Variants in FAM149B1 observed in about 807,000 individuals in gnomAD.
The protein encoded by FAM149B1 is family with sequence similarity 149 member B1.
In FAM149B1, 56 loss-of-function variants were observed where a neutral mutation model predicts 75.3. That is an observed-to-expected ratio of 0.74 (90% confidence interval 0.60 to 0.93). The LOEUF is 0.93. Ranked by LOEUF, FAM149B1 falls within the 40% of genes least tolerant of loss-of-function variation. FAM149B1 has a pLI of 0.00. For missense variants in FAM149B1, 639 were observed against 708.4 expected, an observed-to-expected ratio of 0.90 and a Z score of 1.11; for synonymous variants, 259 against 256.1, an observed-to-expected ratio of 1.01 and a Z score of -0.11.
chr10:73,228,243 C>T (rs2043601789), intron 8 of FAM149B1, 59 bp downstream of exon 8: 4 of 1,469,762 alleles, frequency 2.7e-6, no homozygotes, highest in Middle Eastern at 3.5e-4. Flanking sequence ...AGGAAATTTG[C>T]TCAGAGTTGT....
chr10:73,184,507 G>C (rs1440489522), intron 3 of FAM149B1, among the ~76,000 whole-genome samples: 2 of 152,000 alleles, frequency 1.3e-5, no homozygotes, highest in Non-Finnish European at 1.5e-5. Context: ...AGTGACAGCA[G>C]TGTAGATACT....
At chr10:73,236,085 T>C (rs1160051688) in intron 12 of FAM149B1, among the ~76,000 whole-genome samples, 3 of 152,150 alleles carry the variant, frequency 2.0e-5, no homozygotes, top group African/African-American at 7.2e-5. Flanking sequence ...GCAGCACACT[T>C]GTCCCAACTC....
Position 73,238,538 on chromosome 10 carries a change from A to G in FAM149B1, c.1603-774A>G, listed in dbSNP as rs59385225. 1.4e-4 allele frequency among the ~76,000 whole-genome samples: 21 copies of G among 152,342 alleles called. No individual in the cohort carries two copies. The East Asian group carries it at 3.3e-3, about 24-fold the overall frequency. On this transcript the variant is annotated intron_variant, in intron 12 of 13. Transcript: ENST00000242505. ...CACCAAGCTCATTTATGTGCTATCT[A>G]TGGCTGCCTTCATACCATAACAGCG...
intron 3 of FAM149B1, among the ~76,000 whole-genome samples, chr10:73,186,928 G>T (rs1238249108): frequency 1.3e-5 from 2 of 152,126 alleles, no homozygotes; most frequent in African/African-American, 4.8e-5. Context: ...TTTTAAGGGT[G>T]ATAAAATATT....
At chr10:73,218,412 ACT>A (rs754356105) in intron 7 of FAM149B1, among the ~76,000 whole-genome samples, 4 of 152,040 alleles carry the variant, frequency 2.6e-5, no homozygotes, top group African/African-American at 7.2e-5. Flanking sequence ...TTTTGTAGTG[ACT>A]CTGTCCCTTT....
At chr10:73,168,441 C>T (rs1457490808) in intron 1 of FAM149B1, 55 bp downstream of exon 1, 3 of 1,536,878 alleles carry the variant, frequency 2.0e-6, no homozygotes, top group Non-Finnish European at 2.6e-6. Context: ...GCTCTGGGGA[C>T]CCTCCTTGAC....
intron 12 of FAM149B1, among the ~76,000 whole-genome samples, chr10:73,236,882 ATTT>A (rs948626765): frequency 6.6e-6 from 1 of 150,762 alleles, no homozygotes; most frequent in African/African-American, 2.4e-5. Flanking sequence ...TGCCCTGCTA[ATTT>A]TTTTATTTTG....
intron 7 of FAM149B1, among the ~76,000 whole-genome samples, chr10:73,210,954 C>G (rs1043722782): frequency 1.3e-5 from 2 of 152,124 alleles, no homozygotes; most frequent in African/African-American, 4.8e-5. Flanking sequence ...TCCCCCACAA[C>G]CCAAGCAATT....
chr10:73,188,082 C>G (rs2042575707), intron 3 of FAM149B1, among the ~76,000 whole-genome samples: 1 of 151,914 alleles, frequency 6.6e-6, no homozygotes, highest in African/African-American at 2.4e-5. Flanking sequence ...GACTCCGACT[C>G]AAAACAACAA....
At chr10:73,239,667 A>T (rs1463000510) in intron 13 of FAM149B1, among the ~76,000 whole-genome samples, 116 of 148,774 alleles carry the variant, frequency 7.8e-4, no homozygotes, top group Non-Finnish European at 9.2e-4. Flanking sequence ...TTTTTTTTTT[A>T]AATCTAAAAA....
chr10:73,210,138 A>G, intron 6 of FAM149B1, 113 bp from the exon 7 acceptor site: 1 of 685,218 alleles, frequency 1.5e-6, no homozygotes, highest in Non-Finnish European at 2.4e-6. Flanking sequence ...AATTAATTCT[A>G]TTTTCCATTT....
chr10:73,224,865 G>A (rs998639851), intron 7 of FAM149B1, among the ~76,000 whole-genome samples: 1 of 152,196 alleles, frequency 6.6e-6, no homozygotes, highest in Non-Finnish European at 1.5e-5. Flanking sequence ...GGTAAGGGTT[G>A]CACAACATCA....
At chr10:73,225,633 G>T (rs1253636419) in intron 7 of FAM149B1, among the ~76,000 whole-genome samples, 1 of 152,096 alleles carries the variant, frequency 6.6e-6, no homozygotes, top group African/African-American at 2.4e-5. Flanking sequence ...TTTTAAAAAT[G>T]TAGTGTAACC....
chr10:73,204,944 ATTTTTTTTTTTTTTTTTTTTTTTT>A (rs71021549), intron 5 of FAM149B1, among the ~76,000 whole-genome samples: 388 of 36,560 alleles, frequency 0.011, 9 homozygotes, highest in Admixed American at 0.038. Flanking sequence ...TGCCTGGCTA[ATTTTTTTTTTTTTTTTTTTTTTTT>A]TTTTTTTTTT....
chr10:73,205,335 C>T (rs2043031442), intron 5 of FAM149B1, among the ~76,000 whole-genome samples: 1 of 109,800 alleles, frequency 9.1e-6, no homozygotes, highest in Non-Finnish European at 1.7e-5. Flanking sequence ...GGCACCTCTC[C>T]ACACACACAC....
At chr10:73,236,333 TTG>T (rs1402786490) in intron 12 of FAM149B1, among the ~76,000 whole-genome samples, 1 of 152,096 alleles carries the variant, frequency 6.6e-6, no homozygotes, top group South Asian at 2.1e-4. Context: ...AAGAATCTTT[TTG>T]TCTCTTCCTG....
At chr10:73,204,800 C>T (rs565381057) in intron 5 of FAM149B1, among the ~76,000 whole-genome samples, 22 of 110,342 alleles carry the variant, frequency 2.0e-4, no homozygotes, top group East Asian at 5.4e-4. Flanking sequence ...TTTTTTGAGA[C>T]GGAGTCTCGC....
chr10:73,241,024 A>G lies in FAM149B1; in HGVS notation c.*5A>G. 6.7e-7 allele frequency: 1 copy of G among 1,500,772 alleles called. No homozygotes were observed. The highest frequency in any genetic ancestry group is 9.1e-7 in the Non-Finnish European group (1 of 1,104,448). The allele number at this position is 1,500,772 out of a possible 1,614,324, so 93.0% of individuals were successfully genotyped here. A position where few individuals can be genotyped will look rare whatever the true frequency, so the allele number is the denominator to read the frequency against. The stretch of plus-strand genomic sequence containing the variant: ...CGAACCAGGCAGGGACCATAAGGCA[A>G]ATGAGAAGAATCTATCAGGCTGCAG... On this transcript the variant is annotated 3_prime_UTR_variant, in exon 14 of 14. Coordinates refer to ENST00000242505, the MANE Select transcript of FAM149B1 (RefSeq NM_173348.2).
At position 73,201,132 on chromosome 10, in the gene FAM149B1, G is replaced by A. The variant is rs897425612; in HGVS notation, c.543-7487G>A. 2.2e-5 allele frequency: 6 copies of A among 271,350 alleles called. No homozygotes were observed. In the South Asian group the frequency reaches 2.6e-4, roughly 12 times the overall value. 16.8% of individuals were successfully genotyped at this position (271,350 alleles called of 1,614,324 possible). Reference sequence around the variant, plus strand: ...TAGAAAAGGTGTGGCTAAAAACTTTGTTACTGAGGAAGGCAAGAGGATTCT... The same window carrying A: ...TAGAAAAGGTGTGGCTAAAAACTTTATTACTGAGGAAGGCAAGAGGATTCT... On this transcript the variant is annotated intron_variant, in intron 5 of 13. Transcript: ENST00000242505.
Sources: gnomAD v4.1 joint callset for allele counts (sites outside exome capture counted in the v4.1 genomes callset) on GRCh38, gnomAD v4.1.1 for gene constraint, MANE v1.5 for transcripts, NCBI Gene and HGNC (gene_info 2026-07-23, HGNC 2026-07-21) for gene names.